ALG3: variants seen among roughly 807,000 people sequenced by gnomAD.
ALG3 encodes the protein dol-P-Man:Man(5)GlcNAc(2)-PP-Dol alpha-1,3-mannosyltransferase.
Under a neutral mutation model 50.5 loss-of-function variants are expected in ALG3, and 39 were observed. The ratio of observed to expected loss-of-function variants is 0.77; its 90% CI spans 0.60 to 1.01. The LOEUF is 1.01. Ranked by LOEUF, ALG3 falls within the 50% of genes least tolerant of loss-of-function variation. The probability of loss-of-function intolerance (pLI) is 0.00; values close to 1 mark genes in which losing one functional copy is unlikely to be tolerated. For synonymous variants in ALG3, 252 were observed against 237.2 expected, an observed-to-expected ratio of 1.06 and a Z score of -0.58; for missense variants, 520 against 554.8, an observed-to-expected ratio of 0.94 and a Z score of 0.63.
rs1719054316 is a variant in ALG3 at position 184,245,084 on chromosome 3, G to A, written c.605+114C>T. On this transcript the variant is annotated intron_variant, in intron 4 of 8. Coordinates refer to ENST00000397676, the MANE Select transcript of ALG3 (RefSeq NM_005787.6). ...ATAGATCCTGGACTCGCTTTGTGGA[G>A]CCCTGAGTGACCCATGCTGTCTTGG... 4 of 1,370,238 alleles carry A rather than the reference G, an allele frequency of 2.9e-6. No individual in the cohort carries two copies. In the Admixed American group the frequency reaches 5.9e-5, roughly 20 times the overall value. 84.9% of individuals were successfully genotyped at this position (1,370,238 alleles called of 1,614,324 possible).
At chr3:184,243,056 G>GC in intron 7 of ALG3, 99 bp from the exon 8 acceptor site, 1 of 1,501,974 alleles carries the variant, frequency 6.7e-7, no homozygotes. Flanking sequence ...CTCTGGCTCT[G>GC]CCATTCCTTG....
rs377091766 is a variant in ALG3 at position 184,242,655 on chromosome 3, G to C, written c.1176C>G (p.Ile392Met). 2 of 1,560,490 alleles carry C rather than the reference G, an allele frequency of 1.3e-6. No homozygotes were observed. The highest frequency in any genetic ancestry group is 8.7e-7 in the Non-Finnish European group (1 of 1,150,158). ...HLLRLLVLGL[I>M]ELSWNTYPST... is the part of the protein sequence containing the mutation. ...AAGGGTATGTGTTCCAGGAGAGCTC[G>C]ATGAGCCCCAGCACCAACAACCTGG... Residue 392 changes from isoleucine to methionine, a missense_variant, in exon 9 of 9, where the codon ATC becomes ATG. By Grantham distance (10) the Ile-to-Met change is conservative. Around this residue, in one of 3 missense-constraint regions of ALG3, gnomAD observed 224 missense variants for 272.8 expected, o/e 0.82. Transcript: ENST00000397676.
intron 1 of ALG3, among the ~76,000 whole-genome samples, chr3:184,246,958 G>A (rs537595662): frequency 3.9e-5 from 6 of 152,038 alleles, no homozygotes; most frequent in African/African-American, 1.4e-4. Flanking sequence ...AGGCTGGAGT[G>A]CAGTGGTGCG....
rs1719087264 is a variant in ALG3 at position 184,245,512 on chromosome 3, C to A, written c.400G>T (p.Ala134Ser). ...AQNIFAVLYL[A>S]TLLLVFLIYH... ...ATCAAGAAGACAAGCAGCAAGGTAG[C>A]CAGGTAGAGCACAGCAAAGATGTTC... is the stretch of plus-strand genomic sequence containing the variant. The change falls in exon 3 of 9, where the codon GCT (alanine) becomes TCT (serine). Residue 134 changes from alanine to serine, a missense_variant. By Grantham distance (99) the Ala-to-Ser change is moderately conservative (BLOSUM62 1). Coordinates refer to ENST00000397676, the MANE Select transcript of ALG3 (RefSeq NM_005787.6). 1 of 1,613,874 alleles carries A rather than the reference C, an allele frequency of 6.2e-7. No individual in the cohort carries two copies. The highest frequency in any genetic ancestry group is 1.7e-5 in the Admixed American group (1 of 60,000).
chr3:184,247,878 C>T (rs112783958), intron 1 of ALG3, among the ~76,000 whole-genome samples: 2,232 of 150,816 alleles, frequency 0.015, 27 homozygotes, highest in Non-Finnish European at 0.022. Context: ...CGGAGTCTTG[C>T]TCTGTCGCCC....
At chr3:184,244,258 C>G in intron 5 of ALG3, 1 of 542,138 alleles carries the variant, frequency 1.8e-6, no homozygotes. Context: ...GGAAGGCTCT[C>G]AGAAGCCAGG....
chr3:184,248,718 C>A, intron 1 of ALG3, 27 bp downstream of exon 1: 1 of 1,377,286 alleles, frequency 7.3e-7, no homozygotes, highest in Non-Finnish European at 1.0e-6. Context: ...TCCCTCCCTC[C>A]CCTCCCCTCC....
chr3:184,245,066 C>T (rs755145467), intron 4 of ALG3, 132 bp downstream of exon 4: 135 of 1,229,764 alleles, frequency 1.1e-4, no homozygotes, highest in Non-Finnish European at 1.5e-4. Context: ...TCTATAGATC[C>T]TGGACTCGCT....
rs781269740 is a variant in ALG3 at position 184,242,530 on chromosome 3, C to A, written c.1301G>T (p.Ser434Ile). The change falls in exon 9 of 9, where the codon AGC becomes ATC. Residue 434 changes from serine (S) to isoleucine (I), a missense_variant. By Grantham distance (142) the Ser-to-Ile change is moderately radical. This residue lies in a region of ALG3 where 224 missense variants were observed against 272.8 expected (regional missense o/e 0.82). Coordinates refer to ENST00000397676, the MANE Select transcript of ALG3 (RefSeq NM_005787.6). ...PQPFPKSTQH[S>I]KKAH The stretch of plus-strand genomic sequence containing the variant: ...GGGTGGACTTCAGTGGGCTTTCTTG[C>A]TGTGTTGGGTGCTCTTGGGGAAAGG... The A allele has an allele frequency of 6.8e-6, 11 of 1,612,580 alleles. No homozygotes were observed. In the South Asian group the frequency reaches 1.2e-4, roughly 18 times the overall value.
chr3:184,243,766 C>T (rs1206843742), intron 6 of ALG3, 25 bp downstream of exon 6: 1 of 1,605,060 alleles, frequency 6.2e-7, no homozygotes. Context: ...CCAACTCTGC[C>T]CATGGCACTA....
At chr3:184,247,167 G>C (rs1460342782) in intron 1 of ALG3, among the ~76,000 whole-genome samples, 2 of 152,014 alleles carry the variant, frequency 1.3e-5, no homozygotes, top group South Asian at 2.1e-4. Flanking sequence ...GGCTCCCAAA[G>C]TGCTAGAATT....
At chr3:184,245,392 C>T (rs1719078559) in intron 3 of ALG3, 34 bp from the exon 4 acceptor site, 1 of 1,613,410 alleles carries the variant, frequency 6.2e-7, no homozygotes, top group African/African-American at 1.3e-5. Context: ...ACAAGGTCAG[C>T]TCAGCAAGCC....
chr3:184,249,038 A>C, upstream of ALG3: 1 of 1,524,672 alleles, frequency 6.6e-7, no homozygotes, highest in Non-Finnish European at 8.9e-7. Context: ...CACCAGGCTA[A>C]GCGCCGATCC....
rs1301981001 is a variant in ALG3, at chr3:184,243,612, C to A, written c.951G>T (p.Leu317Phe). The A allele has an allele frequency of 6.2e-7, 1 of 1,613,918 alleles. No individual in the cohort carries two copies. The highest frequency in any genetic ancestry group is 8.5e-7 in the Non-Finnish European group (1 of 1,179,864). ...CRWHRTGESI[L>F]SLLRDPSKRK... The stretch of plus-strand genomic sequence containing the variant: ...TTTTGGAGGGATCCCTCAGCAGCGA[C>A]AAGATACTTTCCCCTGTCCTGGAGA... The change falls in exon 7 of 9, where the codon TTG (leucine) becomes TTT (phenylalanine). Residue 317 changes from leucine (L) to phenylalanine (F), a missense_variant. Physicochemically the swap from Leu to Phe is conservative, Grantham distance 22 (BLOSUM62 0). Coordinates refer to ENST00000397676, the MANE Select transcript of ALG3 (RefSeq NM_005787.6).
chr3:184,244,866 A>C, intron 4 of ALG3, 145 bp from the exon 5 acceptor site: 3 of 1,195,304 alleles, frequency 2.5e-6, no homozygotes, highest in Non-Finnish European at 3.5e-6. Flanking sequence ...TACACTCACA[A>C]CTGTTGGAGG....
intron 1 of ALG3, among the ~76,000 whole-genome samples, chr3:184,246,636 T>G (rs1719163908): frequency 6.6e-6 from 1 of 151,932 alleles, no homozygotes; most frequent in African/African-American, 2.4e-5. Flanking sequence ...ACACTCTAGC[T>G]CTAAAAAAAT....
upstream of ALG3, chr3:184,249,433 G>C (rs1719402842): frequency 3.4e-6 from 3 of 885,786 alleles, no homozygotes; most frequent in African/African-American, 5.0e-5. Context: ...AGAGGACGCA[G>C]TGATGAGCCC....
rs1023520147 is a variant in ALG3, at chr3:184,248,869, C to T, written c.72G>A (p.Trp24Ter). The change falls in exon 1 of 9, where the codon TGG becomes TGA. Residue 24 changes from tryptophan to a stop codon, truncating the protein, a stop_gained. Transcript: ENST00000397676. LOFTEE classifies it high-confidence loss of function. ...GCCGCTCTTGCCAGGCGCGCTGCAG[C>T]CATTGCTTGCAGAGTCCCTCTGCCT... Reference protein sequence around the residue: ...AAQAEGLCKQWLQRAWQERRL... With the variant: ...AAQAEGLCKQ 3.7e-6 allele frequency: 6 copies of T among 1,607,006 alleles called. No individual in the cohort carries two copies. Among genetic ancestry groups the T allele is most frequent in the Admixed American group, 1.7e-5 (1 of 59,416 alleles).
In ALG3 at chr3:184,242,508, T is replaced by C; in HGVS notation, c.*6A>G. The C allele has an allele frequency of 1.2e-6, 2 of 1,611,780 alleles. No individual in the cohort carries two copies. The highest frequency in any genetic ancestry group is 1.7e-6 in the Non-Finnish European group (2 of 1,179,098). ...AGACTCAGGTCCTGAGGGAAAGGGGTGGACTTCAGTGGGCTTTCTTGCTGT... is the reference window on the plus strand; with the variant it reads ...AGACTCAGGTCCTGAGGGAAAGGGGCGGACTTCAGTGGGCTTTCTTGCTGT... On this transcript the variant is annotated 3_prime_UTR_variant, in exon 9 of 9. Coordinates refer to ENST00000397676, the MANE Select transcript of ALG3 (RefSeq NM_005787.6).
Sources: allele counts gnomAD v4.1 joint callset (sites outside exome capture counted in the v4.1 genomes callset), GRCh38; gene constraint gnomAD v4.1.1; regional missense constraint gnomAD v4.1.1; transcripts MANE v1.5; gene names NCBI Gene and HGNC (gene_info 2026-07-23, HGNC 2026-07-21).